DNER: variants seen among roughly 807,000 people sequenced by gnomAD.
The protein encoded by DNER is delta and Notch-like epidermal growth factor-related receptor.
DNER carries 33 observed loss-of-function variants against 78.2 expected under a neutral mutation model. The ratio of observed to expected loss-of-function variants is 0.42; its 90% CI spans 0.32 to 0.56. The LOEUF (loss-of-function observed/expected upper bound fraction) is 0.56, where lower values mean the gene tolerates loss of function less well. Ranked by LOEUF, DNER falls within the 20% of genes least tolerant of loss-of-function variation. The pLI is 0.11. For missense variants in DNER, 918 were observed against 975.3 expected (o/e 0.94, Z 0.78); for synonymous variants, 417 against 384.8 (o/e 1.08, Z -0.98).
intron 1 of DNER, among the ~76,000 whole-genome samples, chr2:229,616,468 A>G (rs1461519941): frequency 6.6e-6 from 1 of 152,204 alleles, no homozygotes; most frequent in African/African-American, 2.4e-5. Flanking sequence ...GGTGATGATA[A>G]CAAGAGAGCA....
chr2:229,629,155 T>G (rs542924050), intron 1 of DNER, among the ~76,000 whole-genome samples: 1 of 152,232 alleles, frequency 6.6e-6, no homozygotes, highest in Admixed American at 6.5e-5. Flanking sequence ...TTTTCCAAGC[T>G]GCAAATTGGC....
intron 1 of DNER, among the ~76,000 whole-genome samples, chr2:229,662,367 A>G (rs1482699767): frequency 1.3e-5 from 2 of 152,218 alleles, no homozygotes; most frequent in Non-Finnish European, 2.9e-5. Context: ...ACTCATCCCA[A>G]GGGAGTACTC....
intron 1 of DNER, among the ~76,000 whole-genome samples, chr2:229,657,942 C>T (rs1325014196): frequency 6.6e-6 from 1 of 152,104 alleles, no homozygotes; most frequent in African/African-American, 2.4e-5. Context: ...AAAACTGGTT[C>T]TTCCTTATAG....
chr2:229,364,705 CT>C lies in DNER; in HGVS notation c.2102+2167del, dbSNP rs551236117. Among the ~76,000 whole-genome samples the C allele has an allele frequency of 2.8e-4, 43 of 152,270 alleles. No individual in the cohort carries two copies. In the South Asian group the frequency reaches 4.4e-3, roughly 15 times the overall value. On this transcript the variant is annotated intron_variant, in intron 12 of 12. Coordinates refer to ENST00000341772, the MANE Select transcript of DNER (RefSeq NM_139072.4). ...GGAAGCTGAGTTCTGGCTTTTGCTT[CT>C]ATTAGAATGACAAGATCACTGTAAG... is the stretch of plus-strand genomic sequence containing the variant.
chr2:229,519,996 A>G (rs548062974), intron 5 of DNER, among the ~76,000 whole-genome samples: 1 of 152,278 alleles, frequency 6.6e-6, no homozygotes, highest in African/African-American at 2.4e-5. Context: ...GGCTGAAAGT[A>G]CCTCTTATAA....
intron 6 of DNER, among the ~76,000 whole-genome samples, chr2:229,490,173 C>T (rs747784763): frequency 6.7e-4 from 102 of 151,958 alleles, no homozygotes; most frequent in Non-Finnish European, 1.2e-3. Flanking sequence ...AACAAGAAGC[C>T]AGGAAAGAAG....
chr2:229,667,332 C>T lies in DNER; in HGVS notation c.276+46816G>A, dbSNP rs1226583552. ...AACAAAATGCATCTGCCCAAAATAGCATTTTGATTTACCACTCTGCAAAGT... is the reference window on the plus strand; with the variant it reads ...AACAAAATGCATCTGCCCAAAATAGTATTTTGATTTACCACTCTGCAAAGT... On this transcript the variant is annotated intron_variant, in intron 1 of 12. Coordinates refer to ENST00000341772, the MANE Select transcript of DNER (RefSeq NM_139072.4). Among the ~76,000 whole-genome samples, 3 of 152,156 alleles carry T rather than the reference C, an allele frequency of 2.0e-5. No homozygotes were observed. The East Asian group carries it at 5.8e-4, about 29-fold the overall frequency.
At chr2:229,655,326 A>G (rs1212382829) in intron 1 of DNER, among the ~76,000 whole-genome samples, 1 of 152,188 alleles carries the variant, frequency 6.6e-6, no homozygotes, top group Non-Finnish European at 1.5e-5. Flanking sequence ...GGGACTGGTA[A>G]AAAAAGAAAA....
intron 1 of DNER, among the ~76,000 whole-genome samples, chr2:229,652,126 AAG>A (rs1369462160): frequency 6.6e-6 from 1 of 152,232 alleles, no homozygotes; most frequent in East Asian, 1.9e-4. Flanking sequence ...CAAAAGAAAA[AAG>A]GAGCCCTGCC....
At chr2:229,475,384 TCAGTCATGCCCGCAACTGCGC>T (rs1204997238) in intron 7 of DNER, among the ~76,000 whole-genome samples, 2 of 152,180 alleles carry the variant, frequency 1.3e-5, no homozygotes, top group Non-Finnish European at 2.9e-5. Context: ...TCCTCTTAGC[TCAGTCATGCCCGCAACTGCGC>T]CATCTCCTCC....
chr2:229,593,572 A>G (rs1697648971), intron 1 of DNER, among the ~76,000 whole-genome samples: 1 of 152,252 alleles, frequency 6.6e-6, no homozygotes, highest in Non-Finnish European at 1.5e-5. Context: ...CCAGGAACAC[A>G]GACTGTATGA....
intron 1 of DNER, among the ~76,000 whole-genome samples, chr2:229,644,334 CTTTTTTTTTTTTTTTTT>C (rs5839345): frequency 8.2e-5 from 8 of 97,506 alleles, no homozygotes; most frequent in Non-Finnish European, 1.6e-4. Flanking sequence ...CTTGCTTTCT[CTTTTTTTTTTTTTTTTT>C]TTTTTTTTTT....
intron 11 of DNER, among the ~76,000 whole-genome samples, chr2:229,385,498 AG>A (rs1197636698): frequency 9.8e-5 from 15 of 152,352 alleles, no homozygotes; most frequent in African/African-American, 3.6e-4. Flanking sequence ...AAAGAAATAA[AG>A]GGTATTCAAA....
intron 1 of DNER, among the ~76,000 whole-genome samples, chr2:229,645,691 C>T (rs1342974285): frequency 6.6e-6 from 1 of 152,178 alleles, no homozygotes; most frequent in African/African-American, 2.4e-5. Context: ...GGAGAATTAA[C>T]GTCATCTGGC....
intron 4 of DNER, among the ~76,000 whole-genome samples, chr2:229,557,135 G>A (rs958729637): frequency 6.6e-5 from 10 of 152,170 alleles, no homozygotes; most frequent in African/African-American, 2.4e-4. Flanking sequence ...AATCTGAAAT[G>A]AAATAGAATT....
chr2:229,465,239 A>G (rs531312040), intron 7 of DNER, among the ~76,000 whole-genome samples: 11 of 152,344 alleles, frequency 7.2e-5, no homozygotes, highest in Admixed American at 1.3e-4. Flanking sequence ...ACCATGGAAT[A>G]CTATGCAGCC....
At chr2:229,497,993 C>T (rs2154211872) in intron 6 of DNER, among the ~76,000 whole-genome samples, 1 of 71,468 alleles carries the variant, frequency 1.4e-5, no homozygotes, top group East Asian at 3.8e-4. Flanking sequence ...AAGAAAACTA[C>T]AGGTCCCTGA....
At chr2:229,553,963 A>T (rs1696797589) in intron 4 of DNER, among the ~76,000 whole-genome samples, 1 of 152,222 alleles carries the variant, frequency 6.6e-6, no homozygotes. Flanking sequence ...TAGAAGAAAC[A>T]TTCCTGCATT....
intron 11 of DNER, among the ~76,000 whole-genome samples, chr2:229,373,299 A>G (rs1044457657): frequency 1.3e-5 from 2 of 152,248 alleles, no homozygotes; most frequent in Non-Finnish European, 2.9e-5. Context: ...ATGCACAGAC[A>G]CTTCTTAAAA....
Sources: allele counts gnomAD v4.1 joint callset (sites outside exome capture counted in the v4.1 genomes callset), GRCh38; gene constraint gnomAD v4.1.1; transcripts MANE v1.5; gene names NCBI Gene and HGNC (gene_info 2026-07-23, HGNC 2026-07-21).